The following RNFT1 variants were observed in gnomAD, a reference collection of about 807,000 sequenced individuals.
RNFT1 encodes E3 ubiquitin-protein ligase RNFT1.
A neutral mutation model predicts 53.2 loss-of-function variants in RNFT1; 35 were observed. The observed-to-expected ratio is 0.66, with a 90% CI of 0.50 to 0.87. The LOEUF is 0.87. RNFT1 is among the 40% of genes least tolerant of loss of function. The pLI, the probability that RNFT1 is intolerant of heterozygous loss-of-function variation, is 0.00. For synonymous variants in RNFT1, 141 were observed against 172.8 expected, an observed-to-expected ratio of 0.82 and a Z score of 1.44; for missense variants, 421 against 515.0, an observed-to-expected ratio of 0.82 and a Z score of 1.77.
chr17:59,964,522 GA>G, intron 1 of RNFT1, 85 bp downstream of exon 1: 1 of 1,276,808 alleles, frequency 7.8e-7, no homozygotes, highest in African/African-American at 1.5e-5. Context: ...ACCCACGTCC[GA>G]GCCTCGAGTG....
At chr17:59,964,536 T>G (rs1467523604) in intron 1 of RNFT1, 72 bp downstream of exon 1, 1 of 1,444,078 alleles carries the variant, frequency 6.9e-7, no homozygotes, top group Non-Finnish European at 9.4e-7. Flanking sequence ...CTCGAGTGCC[T>G]ATTCTCCCCA....
intron 3 of RNFT1, among the ~76,000 whole-genome samples, chr17:59,960,437 C>CAAAAAAAAAAAAAA (rs11406596): frequency 2.9e-5 from 2 of 68,336 alleles, no homozygotes; most frequent in Admixed American, 2.2e-4. Context: ...AGTCTTCTCT[C>CAAAAAAAAAAAAAA]AAAAAAAAAA....
At position 59,964,617 on chromosome 17, in the gene RNFT1, C is replaced by T; in HGVS notation, c.47G>A (p.Gly16Asp). 6.2e-7 allele frequency: 1 copy of T among 1,606,592 alleles called. No individual in the cohort carries two copies. Among genetic ancestry groups the T allele is most frequent in the Admixed American group, 1.7e-5 (1 of 59,246 alleles). ...TTCCCCCAGGCCTAACCTCTCATGA[C>T]CAGAAGCGGACGGAGGTGTCGGGAG... is the stretch of plus-strand genomic sequence containing the variant. ...LSLPTPPSASGHERRQRPEAK... is the reference protein window; with the variant it reads ...LSLPTPPSASDHERRQRPEAK... Residue 16 changes from glycine (G) to aspartate (D), a missense_variant, in exon 1 of 9, where the codon GGT (glycine) becomes GAT (aspartate). Transcript: ENST00000305783.
chr17:59,956,436 T>C, intron 7 of RNFT1, 52 bp downstream of exon 7: 1 of 1,270,988 alleles, frequency 7.9e-7, no homozygotes, highest in Non-Finnish European at 1.1e-6. Flanking sequence ...AAAAAAATTT[T>C]TGCAGTGAAG....
At chr17:59,953,764 C>A (rs1476450565) in intron 8 of RNFT1, among the ~76,000 whole-genome samples, 1 of 152,164 alleles carries the variant, frequency 6.6e-6, no homozygotes, top group Non-Finnish European at 1.5e-5. Context: ...CAGTATTGTT[C>A]TACATGGCTA....
rs368224728 is a variant in RNFT1, at chr17:59,960,097, G to A, written c.663C>T (p.Tyr221=). Residue 221 remains tyrosine (Y), a synonymous_variant, in exon 4 of 9, where the codon TAC becomes TAT. Coordinates refer to ENST00000305783, the MANE Select transcript of RNFT1 (RefSeq NM_016125.4). The part of the protein sequence containing the change: ...FLAGSSVLLY[Y]TFHSQSLYYS... ...AATAAAGTGACTGAGAATGAAAGGT[G>A]TAATATAAAAGAACAGAAGATCCTG... The A allele has an allele frequency of 3.7e-6, 6 of 1,608,236 alleles. No homozygotes were observed. The highest frequency in any genetic ancestry group is 3.3e-5 in the South Asian group (3 of 89,602).
chr17:59,954,193 T>TGC (rs2045240373), intron 7 of RNFT1, 47 bp from the exon 8 acceptor site: 2 of 1,294,442 alleles, frequency 1.5e-6, no homozygotes, highest in Non-Finnish European at 2.2e-6. Context: ...CTTTCTTTCC[T>TGC]GTTCCTCAAA....
At chr17:59,953,978 A>C in intron 8 of RNFT1, 67 bp downstream of exon 8, 1 of 1,000,952 alleles carries the variant, frequency 1.0e-6, no homozygotes, top group Non-Finnish European at 1.5e-6. Flanking sequence ...CAGCAAACAT[A>C]AATTTGACTT....
chr17:59,960,692 A>G (rs1177767426), intron 3 of RNFT1, among the ~76,000 whole-genome samples: 1 of 151,914 alleles, frequency 6.6e-6, no homozygotes, highest in Non-Finnish European at 1.5e-5. Context: ...ACGTGCCTGT[A>G]ATCCCAGCTA....
intron 2 of RNFT1, 51 bp from the exon 3 acceptor site, chr17:59,962,667 A>G (rs773471559): frequency 1.4e-6 from 2 of 1,429,754 alleles, no homozygotes; most frequent in African/African-American, 2.9e-5. Context: ...ATCAAAGAGG[A>G]TTATATAAGC....
In RNFT1 at chr17:59,958,439, A is replaced by G. The variant is rs1370678363; in HGVS notation, c.698T>C (p.Ile233Thr). 5 of 1,566,322 alleles carry G rather than the reference A, an allele frequency of 3.2e-6. No homozygotes were observed. The highest frequency in any genetic ancestry group is 4.3e-6 in the Non-Finnish European group (5 of 1,165,234). Residue 233 changes from isoleucine (I) to threonine (T), a missense_variant, in exon 5 of 9, where the codon ATT becomes ACT. Coordinates refer to ENST00000305783, the MANE Select transcript of RNFT1 (RefSeq NM_016125.4). Reference protein sequence around the residue: ...FHSQSLYYSLIFLNPTLDHLS... With the variant: ...FHSQSLYYSLTFLNPTLDHLS... The stretch of plus-strand genomic sequence containing the variant: ...ATGGTCCAAAGTAGGATTTAAAAAA[A>G]TTAAGCTACCAAAAGAAAAACATCA...
At position 59,962,503 on chromosome 17, in the gene RNFT1, AAC is replaced by A. The variant is rs764375187; in HGVS notation, c.591+35_591+36del. The A allele has an allele frequency of 1.5e-5, 19 of 1,292,546 alleles. No individual in the cohort carries two copies. In the East Asian group the frequency reaches 2.3e-4, roughly 16 times the overall value. 80.1% of individuals were successfully genotyped at this position (1,292,546 alleles called of 1,614,324 possible). On this transcript the variant is annotated intron_variant, in intron 3 of 8. Transcript: ENST00000305783. Reference sequence around the variant, plus strand: ...TATTTCTCTAAAATCTATGGAGAGAAACAGTTAATAATTTTTTAGTTGCTTGT... The same window carrying A: ...TATTTCTCTAAAATCTATGGAGAGAAAGTTAATAATTTTTTAGTTGCTTGT...
intron 7 of RNFT1, among the ~76,000 whole-genome samples, chr17:59,955,780 T>C (rs984307315): frequency 6.6e-6 from 1 of 152,172 alleles, no homozygotes; most frequent in African/African-American, 2.4e-5. Context: ...TCAGTCTCCT[T>C]GGGCCCTGAT....
rs1258889259 is a variant in RNFT1, at chr17:59,952,833, T to C, written c.*144A>G. The C allele has an allele frequency of 4.5e-6, 3 of 663,120 alleles. No individual in the cohort carries two copies. The highest frequency in any genetic ancestry group is 7.3e-6 in the Non-Finnish European group (3 of 411,172). 41.1% of individuals were successfully genotyped at this position (663,120 alleles called of 1,614,324 possible). On this transcript the variant is annotated 3_prime_UTR_variant, in exon 9 of 9. Coordinates refer to ENST00000305783, the MANE Select transcript of RNFT1 (RefSeq NM_016125.4). ...CACAGGGTGGTTTCATTTAATCTTT[T>C]GGTGAATTGGATCATAAGTCCTACA...
intron 3 of RNFT1, among the ~76,000 whole-genome samples, chr17:59,961,123 A>G (rs1768488879): frequency 6.6e-6 from 1 of 151,388 alleles, no homozygotes; most frequent in Non-Finnish European, 1.5e-5. Context: ...TGCAGCCCCA[A>G]CCACCTGGGG....
At chr17:59,953,926 G>GCTACCTTCC in intron 8 of RNFT1, 119 bp downstream of exon 8, 1 of 613,962 alleles carries the variant, frequency 1.6e-6, no homozygotes, top group Admixed American at 3.4e-5. Context: ...TACCCTGAAT[G>GCTACCTTCC]CTACCTTCCA....
intron 7 of RNFT1, among the ~76,000 whole-genome samples, 153 bp from the exon 8 acceptor site, chr17:59,954,299 C>T (rs746445828): frequency 7.9e-5 from 12 of 152,136 alleles, no homozygotes; most frequent in Admixed American, 2.6e-4. Flanking sequence ...GAGCCATATA[C>T]AGAACCACCT....
chr17:59,962,764 A>G, intron 2 of RNFT1, 63 bp downstream of exon 2: 2 of 1,465,680 alleles, frequency 1.4e-6, no homozygotes, highest in Non-Finnish European at 1.9e-6. Context: ...TAGATTACCA[A>G]TAATGAAAGA....
Position 59,954,041 on chromosome 17 carries a change from T to G in RNFT1, c.1173+4A>C, listed in dbSNP as rs2045238654. On this transcript the variant is annotated splice_donor_region_variant and intron_variant, in intron 8 of 8. Coordinates refer to ENST00000305783, the MANE Select transcript of RNFT1 (RefSeq NM_016125.4). ...TAGGTTTTTAAATTTAAAAATGTAA[T>G]TACCTGACAAATGAGAAGAATTGGC... 5 of 1,530,222 alleles carry G rather than the reference T, an allele frequency of 3.3e-6. No individual in the cohort carries two copies. The highest frequency in any genetic ancestry group is 8.9e-7 in the Non-Finnish European group (1 of 1,124,556). 94.8% of individuals were successfully genotyped at this position (1,530,222 alleles called of 1,614,324 possible).
Sources: gnomAD v4.1 joint callset for allele counts (sites outside exome capture counted in the v4.1 genomes callset) on GRCh38, gnomAD v4.1.1 for gene constraint, MANE v1.5 for transcripts, NCBI Gene and HGNC (gene_info 2026-07-23, HGNC 2026-07-21) for gene names.